Variants in RYR3 observed in about 807,000 individuals in gnomAD.
RYR3 encodes ryanodine receptor 3, also known as brain ryanodine receptor-calcium release channel.
RYR3 carries 207 observed loss-of-function variants against 584.3 expected under a neutral mutation model. The ratio of observed to expected loss-of-function variants is 0.35; its 90% CI spans 0.32 to 0.40. The LOEUF (loss-of-function observed/expected upper bound fraction) is 0.40. RYR3 is among the 10% of genes least tolerant of loss of function. RYR3 has a pLI of 1.00. For missense variants in RYR3, 5,616 were observed against 6,089.2 expected (o/e 0.92, Z 2.59); for synonymous variants, 2,416 against 2,248.5 (o/e 1.07, Z -2.11).
intron 57 of RYR3, among the ~76,000 whole-genome samples, chr15:33,751,522 A>G (rs11854330): frequency 0.045 from 6,873 of 151,276 alleles, 420 homozygotes; most frequent in African/African-American, 0.14. Context: ...AGTTGGCTGC[A>G]TAAATGTCTT....
At chr15:33,476,673 A>G (rs2049408726) in intron 2 of RYR3, among the ~76,000 whole-genome samples, 2 of 152,214 alleles carry the variant, frequency 1.3e-5, no homozygotes, top group African/African-American at 2.4e-5. Flanking sequence ...ATCCAGGAGT[A>G]GAATTAATGG....
intron 2 of RYR3, 88 bp downstream of exon 2, chr15:33,473,626 A>C: frequency 7.5e-7 from 1 of 1,332,048 alleles, no homozygotes; most frequent in Non-Finnish European, 1.1e-6. Flanking sequence ...GATGGTGATG[A>C]GGACGACATT....
Position 33,768,661 on chromosome 15 carries a change from G to A in RYR3, c.8709G>A (p.Leu2903=), listed in dbSNP as rs746021018. 1.9e-6 allele frequency: 3 copies of A among 1,613,942 alleles called. No individual in the cohort carries two copies. The highest frequency in any genetic ancestry group is 2.5e-6 in the Non-Finnish European group (3 of 1,179,848). ...ATTGCTTTCTTTTCTGCTTCAGCCTGTTCTGCAAACTTGCCGCTCTCGTTA... is the reference window on the plus strand; with the variant it reads ...ATTGCTTTCTTTTCTGCTTCAGCCTATTCTGCAAACTTGCCGCTCTCGTTA... ...SHKEKEMVAG[L]FCKLAALVRH... The change falls in exon 61 of 104, where the codon CTG becomes CTA. Residue 2903 remains leucine, a synonymous_variant. Transcript: ENST00000634891.
Position 33,840,873 on chromosome 15 carries a change from G to A in RYR3, c.13027G>A (p.Glu4343Lys), listed in dbSNP as rs371107228. Residue 4343 changes from glutamate (E) to lysine (K), a missense_variant, in exon 90 of 104, where the codon GAG becomes AAG. Transcript: ENST00000634891. Reference protein sequence around the residue: ...ANEAEGKVESEKADMEDGEKE... With the variant: ...ANEAEGKVESKKADMEDGEKE... ...TGAAGCAGAAGGAAAAGTAGAATCC[G>A]AGAAGGCAGAGTAAGTTCTTGGTAG... The A allele has an allele frequency of 1.1e-5, 18 of 1,613,662 alleles. No individual in the cohort carries two copies. Among genetic ancestry groups the A allele is most frequent in the Admixed American group, 6.7e-5 (4 of 59,988 alleles).
intron 16 of RYR3, among the ~76,000 whole-genome samples, chr15:33,586,602 G>A (rs2058859029): frequency 6.6e-6 from 1 of 152,216 alleles, no homozygotes; most frequent in Admixed American, 6.5e-5. Flanking sequence ...ATCTGTGCGT[G>A]TGCAAGCAGA....
intron 2 of RYR3, among the ~76,000 whole-genome samples, chr15:33,500,259 A>G (rs1214366729): frequency 1.3e-5 from 2 of 152,184 alleles, no homozygotes. Context: ...TTGTGTAATT[A>G]ACTCCCTACC....
At chr15:33,407,759 T>G (rs1312061619) in intron 1 of RYR3, among the ~76,000 whole-genome samples, 1 of 152,170 alleles carries the variant, frequency 6.6e-6, no homozygotes, top group Non-Finnish European at 1.5e-5. Flanking sequence ...GAGGCATCTC[T>G]AGAAAACAGG....
intron 42 of RYR3, 35 bp downstream of exon 42, chr15:33,701,115 C>G (rs368537616): frequency 2.7e-6 from 4 of 1,460,490 alleles, no homozygotes; most frequent in Non-Finnish European, 3.8e-6. Flanking sequence ...GTGGTGTTCT[C>G]TTCGGCCTGT....
Position 33,819,803 on chromosome 15 carries a change from C to T in RYR3, c.10754C>T (p.Ala3585Val), listed in dbSNP as rs374092609. 3 of 1,587,328 alleles carry T rather than the reference C, an allele frequency of 1.9e-6. No homozygotes were observed. The highest frequency in any genetic ancestry group is 2.6e-6 in the Non-Finnish European group (3 of 1,164,354). The change falls in exon 77 of 104, where the codon GCC becomes GTC. Residue 3585 changes from alanine to valine, a missense_variant. By Grantham distance (64) the Ala-to-Val change is moderately conservative. Transcript: ENST00000634891. ...TACACCTCCTATTCCAGCATGATGG[C>T]CAAGGTACACCCAGGTTTTCTGCCC... Reference protein sequence around the residue: ...PLYTSYSSMMAKSCQSGEDEE... With the variant: ...PLYTSYSSMMVKSCQSGEDEE...
At chr15:33,382,197 G>A (rs1595911566) in intron 1 of RYR3, among the ~76,000 whole-genome samples, 1 of 148,362 alleles carries the variant, frequency 6.7e-6, no homozygotes, top group East Asian at 2.0e-4. Context: ...ATGAAGCAAA[G>A]TGTGTAGGCA....
intron 32 of RYR3, among the ~76,000 whole-genome samples, chr15:33,655,732 G>A (rs2062788467): frequency 6.6e-6 from 1 of 152,222 alleles, no homozygotes; most frequent in South Asian, 2.1e-4. Context: ...AGAAACCTGA[G>A]AGGTTCACAC....
chr15:33,580,738 G>T (rs1396705966), intron 13 of RYR3, among the ~76,000 whole-genome samples: 2 of 152,176 alleles, frequency 1.3e-5, no homozygotes, highest in Non-Finnish European at 2.9e-5. Context: ...GTGCCAACAG[G>T]CCATGGTTGT....
Position 33,603,363 on chromosome 15 carries a change from A to G in RYR3, c.2163A>G (p.Ser721=), listed in dbSNP as rs563901146. The G allele has an allele frequency of 2.6e-5, 41 of 1,561,008 alleles. No individual in the cohort carries two copies. The East Asian group carries it at 6.6e-4, about 25-fold the overall frequency. The change falls in exon 18 of 104, where the codon TCA becomes TCG. Residue 721 remains serine (S), a splice_region_variant and synonymous_variant. Transcript: ENST00000634891. ...SYGFDGLHLW[S]GRIPRAVASI... is the part of the protein sequence containing the mutation. The stretch of plus-strand genomic sequence containing the variant: ...GCTTTGATGGACTTCACCTTTGGTC[A>G]GGTGAGTACCTTGCTAAAGCTTTGG...
intron 1 of RYR3, among the ~76,000 whole-genome samples, chr15:33,330,887 A>G (rs990940422): frequency 3.3e-5 from 5 of 152,108 alleles, no homozygotes; most frequent in Non-Finnish European, 7.4e-5. Flanking sequence ...CCCATTTAGC[A>G]TTTGTGTTTT....
At chr15:33,541,430 T>C (rs1435509784) in intron 7 of RYR3, among the ~76,000 whole-genome samples, 1 of 152,166 alleles carries the variant, frequency 6.6e-6, no homozygotes, top group Non-Finnish European at 1.5e-5. Context: ...TCCAACGTTG[T>C]TCAATGTATT....
Position 33,649,192 on chromosome 15 carries a change from G to C in RYR3, c.4099G>C (p.Val1367Leu). 2 of 1,613,748 alleles carry C rather than the reference G, an allele frequency of 1.2e-6. No homozygotes were observed. Among genetic ancestry groups the C allele is most frequent in the South Asian group, 2.2e-5 (2 of 91,068 alleles). ...GTTTGACCTGAATAAAAACTGCACA[G>C]TGACTGTCACCCTAGGGGATGAAAG... ...EKFDLNKNCT[V>L]TVTLGDERGR... Residue 1367 changes from valine (V) to leucine (L), a missense_variant, in exon 31 of 104, where the codon GTG becomes CTG. By Grantham distance (32) the Val-to-Leu change is conservative. Around this residue, in one of 9 missense-constraint regions of RYR3, gnomAD observed 753 missense variants for 741.0 expected, o/e 1.02. Coordinates refer to ENST00000634891, the MANE Select transcript of RYR3 (RefSeq NM_001036.6).
At chr15:33,651,728 C>T (rs990415858) in intron 31 of RYR3, among the ~76,000 whole-genome samples, 2 of 152,208 alleles carry the variant, frequency 1.3e-5, no homozygotes, top group Non-Finnish European at 2.9e-5. Flanking sequence ...GGAAGCCAAG[C>T]TGAGTCACAT....
chr15:33,375,862 A>C (rs1311406311), intron 1 of RYR3, among the ~76,000 whole-genome samples: 2 of 152,158 alleles, frequency 1.3e-5, no homozygotes, highest in African/African-American at 4.8e-5. Context: ...CAGGAGATTG[A>C]GACCATCCTG....
At chr15:33,548,292 C>A in intron 9 of RYR3, 88 bp downstream of exon 9, 2 of 797,884 alleles carry the variant, frequency 2.5e-6, no homozygotes, top group Non-Finnish European at 4.1e-6. Flanking sequence ...CATTCCACAT[C>A]ATCTGGCAAA....
Sources: gnomAD v4.1 joint callset for allele counts (sites outside exome capture counted in the v4.1 genomes callset) on GRCh38, gnomAD v4.1.1 for gene constraint, gnomAD v4.1.1 regional missense constraint, MANE v1.5 for transcripts, NCBI Gene and HGNC (gene_info 2026-07-23, HGNC 2026-07-21) for gene names.